Variants in RANBP2 observed in about 807,000 individuals in gnomAD.
The protein encoded by RANBP2 is E3 SUMO-protein ligase RanBP2.
RANBP2 carries 57 observed loss-of-function variants against 303.6 expected under a neutral mutation model. The observed-to-expected ratio is 0.19, with a 90% CI of 0.15 to 0.23. RANBP2 has a LOEUF of 0.23. Among genes scored for constraint, RANBP2 ranks in the 10% least tolerant of loss-of-function variants. RANBP2 has a pLI of 1.00. For synonymous variants in RANBP2, 1,167 were observed against 1,301.5 expected (o/e 0.90, Z 2.23); for missense variants, 3,138 against 3,780.8 (o/e 0.83, Z 4.46).
the RANBP2 span, among the ~76,000 whole-genome samples, chr2:109,175,997 G>A: frequency 2.0e-5 from 3 of 152,162 alleles, no homozygotes; most frequent in East Asian, 1.9e-4. Context: ...AAAGATCCAC[G>A]TGGTCTAATT....
At chr2:109,004,466 T>C in the RANBP2 span, among the ~76,000 whole-genome samples, 1 of 152,208 alleles carries the variant, frequency 6.6e-6, no homozygotes, top group Non-Finnish European at 1.5e-5. Flanking sequence ...CAGCAAGTTG[T>C]GTTTTAAAGC....
intron 20 of RANBP2, chr2:108,769,234 A>T (rs1264219081): frequency 1.0e-6 from 1 of 985,286 alleles, no homozygotes; most frequent in Non-Finnish European, 1.2e-6. Flanking sequence ...AAAATGTTAA[A>T]AAACGAAATA....
chr2:109,161,966 A>G, the RANBP2 span, among the ~76,000 whole-genome samples: 1 of 152,146 alleles, frequency 6.6e-6, no homozygotes, highest in African/African-American at 2.4e-5. Flanking sequence ...TGTATCTTAT[A>G]TGTCGCAGGT....
chr2:109,349,648 G>A, the RANBP2 span, among the ~76,000 whole-genome samples: 5 of 152,204 alleles, frequency 3.3e-5, no homozygotes, highest in African/African-American at 9.6e-5. Context: ...CAGGCTTGGC[G>A]GGCTCCAGGC....
At chr2:109,558,351 G>A in the RANBP2 span, among the ~76,000 whole-genome samples, 197 of 152,118 alleles carry the variant, frequency 1.3e-3, no homozygotes, top group African/African-American at 4.6e-3. Flanking sequence ...CTAAAATTAC[G>A]TCAAATACTT....
At chr2:108,851,397 G>A in the RANBP2 span, among the ~76,000 whole-genome samples, 1 of 152,098 alleles carries the variant, frequency 6.6e-6, no homozygotes, top group Non-Finnish European at 1.5e-5. Context: ...TGCCTCCCAG[G>A]TTCAAGCAAT....
the RANBP2 span, among the ~76,000 whole-genome samples, chr2:109,213,493 C>T: frequency 6.6e-6 from 1 of 152,162 alleles, no homozygotes. Context: ...CCAGGATCTG[C>T]AGGGAGCCTG....
the RANBP2 span, among the ~76,000 whole-genome samples, chr2:109,699,480 T>C: frequency 6.6e-6 from 1 of 152,210 alleles, no homozygotes; most frequent in African/African-American, 2.4e-5. Flanking sequence ...AGTTAATGCA[T>C]ATTTGGTGTG....
At chr2:109,496,054 G>A in the RANBP2 span, among the ~76,000 whole-genome samples, 17 of 152,178 alleles carry the variant, frequency 1.1e-4, no homozygotes, top group East Asian at 1.9e-4. Flanking sequence ...GGGACCCACC[G>A]GGTTGCCCTG....
chr2:108,984,431 C>T, the RANBP2 span, among the ~76,000 whole-genome samples: 1 of 152,162 alleles, frequency 6.6e-6, no homozygotes, highest in African/African-American at 2.4e-5. Flanking sequence ...GCCCAGCCCC[C>T]TTGCCACGGC....
the RANBP2 span, among the ~76,000 whole-genome samples, chr2:108,986,608 C>T: frequency 9.8e-3 from 1,490 of 152,220 alleles, 19 homozygotes; most frequent in Middle Eastern, 0.02. Flanking sequence ...TGTGGGACTT[C>T]GGGCAAGACA....
the RANBP2 span, among the ~76,000 whole-genome samples, chr2:109,173,038 G>A: frequency 6.6e-6 from 1 of 152,180 alleles, no homozygotes; most frequent in Non-Finnish European, 1.5e-5. Flanking sequence ...GGTCATCCCT[G>A]GGTGGTGGGA....
At chr2:109,386,232 C>T in the RANBP2 span, among the ~76,000 whole-genome samples, 1 of 152,330 alleles carries the variant, frequency 6.6e-6, no homozygotes, top group Admixed American at 6.5e-5. Context: ...CCGGCCTTCT[C>T]CCCAGTCCCT....
the RANBP2 span, among the ~76,000 whole-genome samples, chr2:109,525,195 C>T: frequency 6.6e-6 from 1 of 151,878 alleles, no homozygotes; most frequent in Admixed American, 6.6e-5. Flanking sequence ...CACTCTGTCA[C>T]CCAGGCTGGA....
At chr2:109,254,136 T>A in the RANBP2 span, among the ~76,000 whole-genome samples, 1 of 152,188 alleles carries the variant, frequency 6.6e-6, no homozygotes, top group Non-Finnish European at 1.5e-5. Context: ...CCAACCCCTC[T>A]AGCAAGGACT....
At chr2:109,381,298 C>T in the RANBP2 span, among the ~76,000 whole-genome samples, 3 of 152,246 alleles carry the variant, frequency 2.0e-5, no homozygotes, top group African/African-American at 7.2e-5. Flanking sequence ...TGCTTCTCCC[C>T]TAGGCTCCAG....
chr2:109,024,672 C>T, the RANBP2 span, among the ~76,000 whole-genome samples: 1 of 152,170 alleles, frequency 6.6e-6, no homozygotes, highest in Non-Finnish European at 1.5e-5. Context: ...TATGTCCTTC[C>T]AGGTGATAGG....
the RANBP2 span, among the ~76,000 whole-genome samples, chr2:109,009,017 G>A: frequency 6.6e-6 from 1 of 151,748 alleles, no homozygotes. Flanking sequence ...TAATTTCAGT[G>A]GGGAATTTTT....
chr2:109,188,162 A>C, the RANBP2 span, among the ~76,000 whole-genome samples: 4 of 152,212 alleles, frequency 2.6e-5, no homozygotes, highest in Non-Finnish European at 2.9e-5. Flanking sequence ...CAGTGTATTG[A>C]CTTCCCAAGA....
Sources: allele counts gnomAD v4.1 joint callset (sites outside exome capture counted in the v4.1 genomes callset), GRCh38; gene constraint gnomAD v4.1.1; transcripts MANE v1.5; gene names NCBI Gene and HGNC (gene_info 2026-07-23, HGNC 2026-07-21).